Variants in ARHGAP35 observed in about 807,000 individuals in gnomAD.
The protein encoded by ARHGAP35 is Rho GTPase activating protein 35.
ARHGAP35 carries 15 observed loss-of-function variants against 111.1 expected under a neutral mutation model. The ratio of observed to expected loss-of-function variants is 0.13; its 90% CI spans 0.09 to 0.21. The LOEUF (loss-of-function observed/expected upper bound fraction) is 0.21. ARHGAP35 is among the 10% of genes least tolerant of loss of function. The pLI, the probability that ARHGAP35 is intolerant of heterozygous loss-of-function variation, is 1.00. For synonymous variants in ARHGAP35, 643 were observed against 710.3 expected, an observed-to-expected ratio of 0.91 and a Z score of 1.51; for missense variants, 1,262 against 1,873.0, an observed-to-expected ratio of 0.67 and a Z score of 6.02.
intron 3 of ARHGAP35, among the ~76,000 whole-genome samples, chr19:46,954,549 T>C (rs1384435167): frequency 6.6e-6 from 1 of 152,196 alleles, no homozygotes; most frequent in African/African-American, 2.4e-5. Flanking sequence ...GGCTCCCAGG[T>C]GGTTTACTGT....
intron 1 of ARHGAP35, among the ~76,000 whole-genome samples, chr19:46,913,324 G>A (rs530334533): frequency 1.3e-5 from 2 of 151,830 alleles, no homozygotes; most frequent in Admixed American, 1.3e-4. Flanking sequence ...TATGCTGATA[G>A]AGCTGTTGAC....
rs1599876124 is a variant in ARHGAP35, at chr19:46,999,451, T to C, written c.4142+42T>C. On this transcript the variant is annotated intron_variant, in intron 6 of 6. Transcript: ENST00000672722. This position sits in a 1 kb window ranked among gnomAD's most constrained non-coding sequence, Gnocchi z 5.4. ...TCTGGTTGGTTTTTCCTCCTGAAAA[T>C]TGACAGCCAGGGTCAGTGTGTCGCA... is the stretch of plus-strand genomic sequence containing the variant. 7.7e-7 allele frequency: 1 copy of C among 1,297,568 alleles called. No individual in the cohort carries two copies. The highest frequency in any genetic ancestry group is 1.1e-6 in the Non-Finnish European group (1 of 916,322). 80.4% of individuals were successfully genotyped at this position (1,297,568 alleles called of 1,614,324 possible).
intron 3 of ARHGAP35, among the ~76,000 whole-genome samples, chr19:46,950,171 A>G (rs1482510940): frequency 6.6e-6 from 1 of 152,230 alleles, no homozygotes; most frequent in Non-Finnish European, 1.5e-5. Context: ...ACATTTTTGT[A>G]CCTGGCTTCT....
intron 5 of ARHGAP35, chr19:46,997,628 G>T (rs1156826205): frequency 6.6e-6 from 1 of 152,214 alleles, no homozygotes; most frequent in Non-Finnish European, 1.5e-5. Context: ...ATCTGAGTCA[G>T]GATCTGGACT....
At chr19:46,912,918 AAGG>A (rs1245235881) in intron 1 of ARHGAP35, among the ~76,000 whole-genome samples, 7 of 151,800 alleles carry the variant, frequency 4.6e-5, no homozygotes, top group Non-Finnish European at 4.4e-5. Flanking sequence ...ACGAGGTTTT[AAGG>A]AGGTTTGAAG....
In ARHGAP35 at chr19:46,877,025, G is replaced by A. The variant is rs141606875; in HGVS notation, c.-189+15816G>A. Among the ~76,000 whole-genome samples the A allele has an allele frequency of 1.0e-2, 1,516 of 151,874 alleles. 12 individuals are homozygous for A. The highest frequency in any genetic ancestry group is 0.017 in the Middle Eastern group (5 of 294). On this transcript the variant is annotated intron_variant, in intron 1 of 6. Coordinates refer to ENST00000672722, the MANE Select transcript of ARHGAP35 (RefSeq NM_004491.5). ...AGCACTTTGGGAGGCCGAGGCGGGT[G>A]GATCACCTCAGGTCAGGAGTTCGAG...
chr19:46,914,477 C>T (rs1452149631), intron 1 of ARHGAP35, among the ~76,000 whole-genome samples: 8 of 151,958 alleles, frequency 5.3e-5, no homozygotes, highest in Non-Finnish European at 2.9e-5. Flanking sequence ...ATTAGCCAGG[C>T]ATGATGGCTT....
intron 3 of ARHGAP35, among the ~76,000 whole-genome samples, chr19:46,964,992 C>T (rs953741714): frequency 1.1e-4 from 16 of 152,196 alleles, no homozygotes; most frequent in African/African-American, 3.4e-4. Context: ...GTGACAATTA[C>T]TTTATCAAAT....
intron 2 of ARHGAP35, among the ~76,000 whole-genome samples, chr19:46,929,605 T>A (rs1440447768): frequency 6.7e-6 from 1 of 149,396 alleles, no homozygotes; most frequent in Non-Finnish European, 1.5e-5. Flanking sequence ...TTTTTTTTTT[T>A]TTTTTTTTTT....
At chr19:46,971,688 C>CG (rs1390358448) in intron 3 of ARHGAP35, among the ~76,000 whole-genome samples, 1 of 151,622 alleles carries the variant, frequency 6.6e-6, no homozygotes, top group African/African-American at 2.4e-5. Context: ...TTAGTAGAGA[C>CG]GGGGTTTCAC....
At chr19:46,983,934 T>C (rs1010858715) in intron 3 of ARHGAP35, among the ~76,000 whole-genome samples, 1 of 152,136 alleles carries the variant, frequency 6.6e-6, no homozygotes, top group Non-Finnish European at 1.5e-5. Flanking sequence ...CCATTCTTGA[T>C]TGTAGCTCTG....
Position 46,960,124 on chromosome 19 carries a change from A to AAAG in ARHGAP35, c.3826+22718_3826+22719insGAA, listed in dbSNP as rs1555763505. 4.6e-5 allele frequency among the ~76,000 whole-genome samples: 7 copies of AAAG among 151,480 alleles called. No individual in the cohort carries two copies. In the East Asian group the frequency reaches 1.2e-3, roughly 25 times the overall value. On this transcript the variant is annotated intron_variant, in intron 3 of 6. Transcript: ENST00000672722. ...GACCTGTCTCACAAAAAAAAAAAAA[A>AAAG]AAAGAAAGAAAGAAAAAAGTAACCC...
intron 2 of ARHGAP35, among the ~76,000 whole-genome samples, chr19:46,932,021 C>T (rs1219354333): frequency 1.3e-5 from 2 of 152,202 alleles, no homozygotes; most frequent in African/African-American, 4.8e-5. Flanking sequence ...GTGGCTCACA[C>T]CTGTAATCCC....
Position 47,000,463 on chromosome 19 carries a change from T to C in ARHGAP35, c.4275T>C (p.Ile1425=). The part of the protein sequence containing the change: ...LTATRTYQTI[I]ELFIQQCPFF... ...CCACGCGCACCTACCAGACAATCAT[T>C]GAACTCTTTATCCAGCAGTGCCCCT... Residue 1425 remains isoleucine, a synonymous_variant, in exon 7 of 7, where the codon ATT becomes ATC. Coordinates refer to ENST00000672722, the MANE Select transcript of ARHGAP35 (RefSeq NM_004491.5). This position sits in a 1 kb window ranked among gnomAD's most constrained non-coding sequence, Gnocchi z 6.9. 1 of 1,613,664 alleles carries C rather than the reference T, an allele frequency of 6.2e-7. No individual in the cohort carries two copies. Among genetic ancestry groups the C allele is most frequent in the South Asian group, 1.1e-5 (1 of 91,050 alleles).
Position 47,000,242 on chromosome 19 carries a change from G to A in ARHGAP35, c.4143-89G>A. ...TGCTCCACCTGAGGGAAGAAAGGTGGGCTCAGCCTGGGTGCTGAAGACCAT... is the reference window on the plus strand; with the variant it reads ...TGCTCCACCTGAGGGAAGAAAGGTGAGCTCAGCCTGGGTGCTGAAGACCAT... On this transcript the variant is annotated intron_variant, in intron 6 of 6. Coordinates refer to ENST00000672722, the MANE Select transcript of ARHGAP35 (RefSeq NM_004491.5). This position sits in a 1 kb window ranked among gnomAD's most constrained non-coding sequence, Gnocchi z 6.9. 7.4e-7 allele frequency: 1 copy of A among 1,357,452 alleles called. No homozygotes were observed. The highest frequency in any genetic ancestry group is 1.0e-6 in the Non-Finnish European group (1 of 983,756). The allele number at this position is 1,357,452 out of a possible 1,614,324, so 84.1% of individuals were successfully genotyped here.
intron 2 of ARHGAP35, among the ~76,000 whole-genome samples, chr19:46,932,436 C>G (rs577164700): frequency 6.6e-6 from 1 of 152,294 alleles, no homozygotes; most frequent in East Asian, 1.9e-4. Context: ...TTCTCCTTTT[C>G]AAGGACCTGT....
At chr19:46,889,563 G>A (rs183299851) in intron 1 of ARHGAP35, among the ~76,000 whole-genome samples, 37 of 152,276 alleles carry the variant, frequency 2.4e-4, no homozygotes, top group African/African-American at 8.4e-4. Flanking sequence ...AGCACTATCA[G>A]ACATGGCTCC....
At chr19:46,983,054 CAAAAAAAAAAAAAAAAAAA>C (rs71179281) in intron 3 of ARHGAP35, among the ~76,000 whole-genome samples, 3 of 47,650 alleles carry the variant, frequency 6.3e-5, no homozygotes, top group East Asian at 9.1e-4. Context: ...ACCTTGTGTA[CAAAAAAAAAAAAAAAAAAA>C]AAAAAAAAAA....
In ARHGAP35 at chr19:46,909,164, G is replaced by A. The variant is rs376684341; in HGVS notation, c.-188-9324G>A. The stretch of plus-strand genomic sequence containing the variant: ...AAAAAATTTTAAAAATTAGCCGGCC[G>A]TGGTGGCATGCGCTTGTAGTCCCAG... On this transcript the variant is annotated intron_variant, in intron 1 of 6. Coordinates refer to ENST00000672722, the MANE Select transcript of ARHGAP35 (RefSeq NM_004491.5). Among the ~76,000 whole-genome samples the A allele has an allele frequency of 1.4e-3, 219 of 152,224 alleles. 4 individuals carry two copies. The South Asian group carries it at 0.043, about 30-fold the overall frequency.
Sources: allele counts gnomAD v4.1 joint callset (sites outside exome capture counted in the v4.1 genomes callset), GRCh38; gene constraint gnomAD v4.1.1; non-coding constraint Gnocchi (gnomAD v3.1); transcripts MANE v1.5; gene names NCBI Gene and HGNC (gene_info 2026-07-23, HGNC 2026-07-21).